Variants in KHDRBS2 observed in about 807,000 individuals in gnomAD.
The protein encoded by KHDRBS2 is KH RNA binding domain containing, signal transduction associated 2, also known as KH domain-containing, RNA-binding, signal transduction-associated protein 2.
A neutral mutation model predicts 44.3 loss-of-function variants in KHDRBS2; 26 were observed. The observed-to-expected ratio is 0.59, with a 90% CI of 0.43 to 0.81. The LOEUF is 0.81. KHDRBS2 is among the 40% of genes least tolerant of loss of function. KHDRBS2 has a pLI of 0.00. For missense variants in KHDRBS2, 476 were observed against 433.1 expected (o/e 1.10, Z -0.88); for synonymous variants, 194 against 151.1 (o/e 1.28, Z -2.08).
chr6:62,156,249 T>C (rs1816348207), intron 2 of KHDRBS2, among the ~76,000 whole-genome samples: 1 of 152,214 alleles, frequency 6.6e-6, no homozygotes, highest in South Asian at 2.1e-4. Flanking sequence ...TGAAAAATGT[T>C]TCCCAAGTTC....
chr6:62,041,900 G>C (rs866848891), intron 3 of KHDRBS2, among the ~76,000 whole-genome samples: 34 of 151,868 alleles, frequency 2.2e-4, no homozygotes, highest in Non-Finnish European at 2.9e-4. Context: ...TCTTTCTAAG[G>C]TCACAGGCAC....
chr6:62,206,386 T>C (rs755041265), intron 1 of KHDRBS2, among the ~76,000 whole-genome samples: 4 of 152,124 alleles, frequency 2.6e-5, no homozygotes, highest in Non-Finnish European at 4.4e-5. Flanking sequence ...CATATATTGA[T>C]TGAATCCATT....
intron 4 of KHDRBS2, among the ~76,000 whole-genome samples, chr6:61,967,193 C>A (rs1770171435): frequency 4.3e-5 from 4 of 94,046 alleles, no homozygotes; most frequent in Admixed American, 1.4e-4. Context: ...GATTTCTTTC[C>A]ACTATGTTTA....
intron 1 of KHDRBS2, among the ~76,000 whole-genome samples, chr6:62,255,735 C>T (rs1837290596): frequency 6.6e-6 from 1 of 151,848 alleles, no homozygotes; most frequent in Non-Finnish European, 1.5e-5. Flanking sequence ...GGTACTCCAT[C>T]TCAGAATACT....
At chr6:62,048,750 G>C (rs1363436206) in intron 2 of KHDRBS2, among the ~76,000 whole-genome samples, 1 of 151,904 alleles carries the variant, frequency 6.6e-6, no homozygotes, top group Non-Finnish European at 1.5e-5. Flanking sequence ...AGTTACGAAA[G>C]CATTTATGTT....
At chr6:61,734,523 T>C (rs1301312573) in intron 6 of KHDRBS2, among the ~76,000 whole-genome samples, 2 of 152,088 alleles carry the variant, frequency 1.3e-5, no homozygotes, top group African/African-American at 4.8e-5. Flanking sequence ...TCATTTTCTA[T>C]TGGCTGTCCA....
chr6:62,260,288 C>G (rs1838127649), intron 1 of KHDRBS2, among the ~76,000 whole-genome samples: 1 of 151,878 alleles, frequency 6.6e-6, no homozygotes, highest in African/African-American at 2.4e-5. Flanking sequence ...GTATTAAGTG[C>G]CAGGTACCTT....
At chr6:62,111,843 T>C (rs1805070129) in intron 2 of KHDRBS2, among the ~76,000 whole-genome samples, 1 of 152,010 alleles carries the variant, frequency 6.6e-6, no homozygotes, top group Admixed American at 6.6e-5. Context: ...GATCATACCA[T>C]TGAACTCCCG....
At chr6:62,134,247 C>G (rs540945945) in intron 2 of KHDRBS2, among the ~76,000 whole-genome samples, 2 of 152,160 alleles carry the variant, frequency 1.3e-5, no homozygotes, top group Non-Finnish European at 2.9e-5. Context: ...CTCCGCTGCT[C>G]TAGCCATAGC....
chr6:61,878,777 C>T (rs1368574610), intron 6 of KHDRBS2, among the ~76,000 whole-genome samples: 2 of 151,986 alleles, frequency 1.3e-5, no homozygotes, highest in Non-Finnish European at 2.9e-5. Context: ...AAACCTATGA[C>T]CACTGGCTCT....
chr6:62,023,351 A>C (rs1023919192), intron 3 of KHDRBS2, among the ~76,000 whole-genome samples: 1 of 151,684 alleles, frequency 6.6e-6, no homozygotes. Flanking sequence ...AGTAGGTTCC[A>C]TGGTCAAATG....
chr6:62,130,297 C>A (rs1474300601), intron 2 of KHDRBS2, among the ~76,000 whole-genome samples: 1 of 152,152 alleles, frequency 6.6e-6, no homozygotes, highest in Non-Finnish European at 1.5e-5. Context: ...TAGTTTGCTG[C>A]ACCTCACCAA....
intron 7 of KHDRBS2, among the ~76,000 whole-genome samples, chr6:61,713,050 A>G (rs1770795283): frequency 6.6e-6 from 1 of 151,538 alleles, no homozygotes; most frequent in South Asian, 2.1e-4. Flanking sequence ...ATAGTTCTTC[A>G]TATATTAAAT....
At chr6:61,816,231 A>C (rs1173500523) in intron 6 of KHDRBS2, among the ~76,000 whole-genome samples, 1 of 152,208 alleles carries the variant, frequency 6.6e-6, no homozygotes, top group Admixed American at 6.6e-5. Flanking sequence ...AAAACTGTGA[A>C]CATAACCTTA....
intron 2 of KHDRBS2, among the ~76,000 whole-genome samples, chr6:62,141,632 G>T (rs1218532978): frequency 1.3e-5 from 2 of 151,974 alleles, no homozygotes; most frequent in African/African-American, 4.8e-5. Context: ...TGTATCATAG[G>T]CTCATGATTA....
At chr6:61,629,837 C>T in the KHDRBS2 span, among the ~76,000 whole-genome samples, 1 of 152,272 alleles carries the variant, frequency 6.6e-6, no homozygotes, top group South Asian at 2.1e-4. Flanking sequence ...AAAGCTTTCT[C>T]TGATAAATTT....
intron 2 of KHDRBS2, among the ~76,000 whole-genome samples, chr6:62,080,921 A>G (rs903318280): frequency 3.3e-5 from 5 of 152,094 alleles, no homozygotes; most frequent in African/African-American, 1.2e-4. Flanking sequence ...GCCTTCTTCT[A>G]TAGCTTATGG....
At chr6:62,012,290 C>A (rs1044584119) in intron 3 of KHDRBS2, among the ~76,000 whole-genome samples, 10 of 152,140 alleles carry the variant, frequency 6.6e-5, no homozygotes, top group Admixed American at 4.6e-4. Flanking sequence ...CAAAATCATG[C>A]ACTTCTCTCT....
chr6:62,265,129 C>T (rs952019777), intron 1 of KHDRBS2, among the ~76,000 whole-genome samples: 18 of 151,944 alleles, frequency 1.2e-4, no homozygotes, highest in African/African-American at 4.1e-4. Flanking sequence ...TAAAGTTTTA[C>T]TTACAACTTA....
Sources: allele counts gnomAD v4.1 joint callset (sites outside exome capture counted in the v4.1 genomes callset), GRCh38; gene constraint gnomAD v4.1.1; transcripts MANE v1.5; gene names NCBI Gene and HGNC (gene_info 2026-07-23, HGNC 2026-07-21).